The following NTRK1 variants were observed in gnomAD, a reference collection of about 807,000 sequenced individuals.
NTRK1 encodes the protein neurotrophic receptor tyrosine kinase 1.
A neutral mutation model predicts 86.8 loss-of-function variants in NTRK1; 62 were observed. The observed-to-expected ratio is 0.71, with a 90% CI of 0.58 to 0.88. NTRK1 has a LOEUF of 0.88. Among genes scored for constraint, NTRK1 ranks in the 40% least tolerant of loss-of-function variants. The pLI, the probability that NTRK1 is intolerant of heterozygous loss-of-function variation, is 0.00. For synonymous variants in NTRK1, 469 were observed against 456.6 expected (o/e 1.03, Z -0.35); for missense variants, 967 against 1,078.4 (o/e 0.90, Z 1.45).
At chr1:156,858,851 A>G (rs1038615918), upstream of NTRK1, 8 of 573,576 alleles carry the variant, frequency 1.4e-5, no homozygotes, top group Non-Finnish European at 2.2e-5. Flanking sequence ...GAGACTCAGC[A>G]TGAGATTGAG....
upstream of NTRK1, chr1:156,858,821 G>A: frequency 3.3e-6 from 2 of 600,240 alleles, no homozygotes; most frequent in Non-Finnish European, 3.0e-6. Context: ...CAAAGACAGT[G>A]ACAGGCAGTT....
chr1:156,816,782 T>A (rs12738727), intron 1 of NTRK1: 39,320 of 1,366,786 alleles, frequency 0.029, 734 homozygotes, highest in Non-Finnish European at 0.035. Context: ...ACTCAGCAAC[T>A]CATCATCTCT....
chr1:156,862,633 C>A (rs909364096), intron 1 of NTRK1, among the ~76,000 whole-genome samples: 4 of 152,138 alleles, frequency 2.6e-5, no homozygotes, highest in Non-Finnish European at 5.9e-5. Flanking sequence ...CTCACTCACC[C>A]GCAGAGCTAA....
In NTRK1 at chr1:156,881,473, C is replaced by T. The variant is rs145081333; in HGVS notation, c.2222C>T (p.Thr741Met). 3.4e-5 allele frequency: 53 copies of T among 1,575,974 alleles called. No individual in the cohort carries two copies. The highest frequency in any genetic ancestry group is 1.7e-4 in the Middle Eastern group (1 of 6,018). ...TGGCCCCAGGCAATCGACTGCATCA[C>T]GCAGGGACGTGAGTTGGAGCGGCCA... is the stretch of plus-strand genomic sequence containing the variant. The part of the protein sequence containing the change: ...LSNTEAIDCI[T>M]QGRELERPRA... The change falls in exon 17 of 17, where the codon ACG becomes ATG. Residue 741 changes from threonine (T) to methionine (M), a missense_variant. This residue lies in a region of NTRK1 where 637 missense variants were observed against 776.5 expected (regional missense o/e 0.82). Coordinates refer to ENST00000524377, the MANE Select transcript of NTRK1 (RefSeq NM_002529.4).
rs1655341499 is a variant in NTRK1, at chr1:156,854,445, C to A, written c.51-9909C>A. Reference sequence around the variant, plus strand: ...CTCTGCTCTGGGTGTGGGGTGGCCTCCTTCCTGGGCCCCGGAGGGCTCACC... The same window carrying A: ...CTCTGCTCTGGGTGTGGGGTGGCCTACTTCCTGGGCCCCGGAGGGCTCACC... On this transcript the variant is annotated intron_variant, in intron 2 of 16. Coordinates refer to the NTRK1 transcript ENST00000392302. This position sits in a 1 kb window ranked among gnomAD's most constrained non-coding sequence, Gnocchi z 4.2. 11 of 882,478 alleles carry A rather than the reference C, an allele frequency of 1.2e-5. No homozygotes were observed. The highest frequency in any genetic ancestry group is 2.7e-5 in the East Asian group (1 of 37,432). The allele number at this position is 882,478 out of a possible 1,614,324, so 54.7% of individuals were successfully genotyped here.
intron 1 of NTRK1, chr1:156,842,026 ACCAGGGCT>A: frequency 6.3e-7 from 1 of 1,592,480 alleles, no homozygotes; most frequent in Non-Finnish European, 8.6e-7. Flanking sequence ...GGCTGTCAGG[ACCAGGGCT>A]GTGGGTCTCC....
At chr1:156,834,587 A>G (rs917927488) in intron 1 of NTRK1, among the ~76,000 whole-genome samples, 1 of 152,182 alleles carries the variant, frequency 6.6e-6, no homozygotes, top group Non-Finnish European at 1.5e-5. Context: ...TTCTCAGATC[A>G]TTGATGCTGC....
At chr1:156,874,095 C>T (rs866874049) in intron 8 of NTRK1, 136 bp downstream of exon 8, 34 of 983,764 alleles carry the variant, frequency 3.5e-5, no homozygotes, top group Middle Eastern at 4.3e-4. Flanking sequence ...CCTGGTGTCC[C>T]GCTGTTCTGG....
At chr1:156,841,264 G>C (rs1446460072) in intron 1 of NTRK1, 5 of 1,030,156 alleles carry the variant, frequency 4.9e-6, no homozygotes, top group Non-Finnish European at 7.5e-6. Context: ...TTGGGATAGG[G>C]GGGTGGCGCT....
At chr1:156,878,084 G>A (rs1449993348) in intron 14 of NTRK1, among the ~76,000 whole-genome samples, 2 of 152,196 alleles carry the variant, frequency 1.3e-5, no homozygotes, top group African/African-American at 4.8e-5. Context: ...CTGCTGGATG[G>A]AACACTGGGG....
chr1:156,869,036 C>T (rs1470070447), intron 6 of NTRK1, among the ~76,000 whole-genome samples: 1 of 127,594 alleles, frequency 7.8e-6, no homozygotes, highest in Non-Finnish European at 1.8e-5. Flanking sequence ...TCCTTCCTTC[C>T]TTCCTTCCTT....
intron 2 of NTRK1, chr1:156,848,786 C>A (rs1655096322): frequency 9.6e-7 from 1 of 1,044,172 alleles, no homozygotes; most frequent in African/African-American, 1.6e-5. Flanking sequence ...GGCCCTACCA[C>A]GGAGTACAAC....
intron 2 of NTRK1, among the ~76,000 whole-genome samples, chr1:156,852,659 C>T (rs915052208): frequency 2.6e-5 from 4 of 152,204 alleles, no homozygotes; most frequent in African/African-American, 4.8e-5. Context: ...CAGCTCCCTG[C>T]CCTGGGCAGG....
At chr1:156,855,624 A>T (rs1571675220) in intron 2 of NTRK1, among the ~76,000 whole-genome samples, 1 of 152,062 alleles carries the variant, frequency 6.6e-6, no homozygotes, top group South Asian at 2.1e-4. Flanking sequence ...GGAATTCGAG[A>T]CCAGCCTGGG....
intron 2 of NTRK1, chr1:156,846,459 G>C: frequency 7.4e-7 from 1 of 1,354,304 alleles, no homozygotes; most frequent in Non-Finnish European, 1.1e-6. Context: ...TGGTGCCTGT[G>C]CTCCCCTGTT....
At chr1:156,872,026 C>T (rs1038060248) in intron 7 of NTRK1, among the ~76,000 whole-genome samples, 1 of 152,176 alleles carries the variant, frequency 6.6e-6, no homozygotes, top group African/African-American at 2.4e-5. Flanking sequence ...CCGGCTGTTC[C>T]CACTGCTCCG....
At chr1:156,829,554 G>T (rs111980888) in intron 1 of NTRK1, among the ~76,000 whole-genome samples, 2 of 152,086 alleles carry the variant, frequency 1.3e-5, no homozygotes, top group African/African-American at 2.4e-5. Context: ...GGGATAGACT[G>T]TCTCTCGTTG....
intron 2 of NTRK1, chr1:156,849,033 G>T: frequency 1.2e-6 from 2 of 1,613,396 alleles, no homozygotes; most frequent in Non-Finnish European, 1.7e-6. Flanking sequence ...ACGAAGCGCA[G>T]GGTGCGAGTC....
intron 7 of NTRK1, 83 bp from the exon 8 acceptor site, chr1:156,873,550 T>G (rs1647692865): frequency 8.2e-7 from 1 of 1,218,512 alleles, no homozygotes; most frequent in Non-Finnish European, 1.2e-6. Flanking sequence ...TTCTACTCGC[T>G]TTGCCCGTGG....
Sources: gnomAD v4.1 joint callset for allele counts (sites outside exome capture counted in the v4.1 genomes callset) on GRCh38, gnomAD v4.1.1 for gene constraint, gnomAD v4.1.1 regional missense constraint, Gnocchi (gnomAD v3.1) non-coding constraint, MANE v1.5 for transcripts, NCBI Gene and HGNC (gene_info 2026-07-23, HGNC 2026-07-21) for gene names.